SIK3: variants seen among roughly 807,000 people sequenced by gnomAD.
The protein encoded by SIK3 is SIK family kinase 3.
Under a neutral mutation model 144.2 loss-of-function variants are expected in SIK3, and 28 were observed. The observed-to-expected ratio is 0.19, with a 90% CI of 0.14 to 0.27. SIK3 has a LOEUF of 0.27. Ranked by LOEUF, SIK3 falls within the 10% of genes least tolerant of loss-of-function variation. SIK3 has a pLI of 1.00. For synonymous variants in SIK3, 686 were observed against 676.3 expected, an observed-to-expected ratio of 1.01 and a Z score of -0.22; for missense variants, 1,319 against 1,776.0, an observed-to-expected ratio of 0.74 and a Z score of 4.62.
intron 1 of SIK3, among the ~76,000 whole-genome samples, chr11:117,038,818 G>A (rs1197076661): frequency 6.6e-6 from 1 of 152,056 alleles, no homozygotes; most frequent in Non-Finnish European, 1.5e-5. Flanking sequence ...GGGAGGCGGA[G>A]GCGGGCATAT....
rs114181024 is a variant in SIK3 at position 116,917,428 on chromosome 11, G to A, written c.616+9791C>T. 9.2e-3 allele frequency among the ~76,000 whole-genome samples: 1,396 copies of A among 152,240 alleles called. 17 individuals carry two copies. The highest frequency in any genetic ancestry group is 0.029 in the African/African-American group (1,217 of 41,518). ...CTTAAACTAGAAACTACAGGTAAGAGGCTGGGCACAGTAGCTCATGCTTGT... is the reference window on the plus strand; with the variant it reads ...CTTAAACTAGAAACTACAGGTAAGAAGCTGGGCACAGTAGCTCATGCTTGT... On this transcript the variant is annotated intron_variant, in intron 4 of 24. Transcript: ENST00000445177.
intron 1 of SIK3, among the ~76,000 whole-genome samples, chr11:117,078,990 TAA>T (rs35578594): frequency 1.2e-4 from 18 of 146,526 alleles, no homozygotes; most frequent in East Asian, 2.0e-4. Context: ...TATGATATCC[TAA>T]AAAAAAAAAA....
chr11:116,949,958 A>T (rs1160608280), intron 3 of SIK3, among the ~76,000 whole-genome samples: 1 of 152,062 alleles, frequency 6.6e-6, no homozygotes, highest in African/African-American at 2.4e-5. Flanking sequence ...GACAACAGCA[A>T]ACTTCTCTGA....
chr11:116,899,325 A>T (rs1026590770), intron 4 of SIK3, among the ~76,000 whole-genome samples: 3 of 151,718 alleles, frequency 2.0e-5, no homozygotes, highest in South Asian at 4.2e-4. Flanking sequence ...TGTTCCATTG[A>T]TCTATATCTC....
intron 3 of SIK3, among the ~76,000 whole-genome samples, chr11:116,938,866 G>A (rs1591375432): frequency 6.6e-6 from 1 of 152,112 alleles, no homozygotes; most frequent in African/African-American, 2.4e-5. Context: ...AAAGAAGAAT[G>A]ACTTAATGGA....
At chr11:116,894,712 G>A (rs1357549018) in intron 6 of SIK3, among the ~76,000 whole-genome samples, 1 of 152,196 alleles carries the variant, frequency 6.6e-6, no homozygotes, top group Non-Finnish European at 1.5e-5. Flanking sequence ...TTAAAATAAT[G>A]AAGTGAGTTA....
In SIK3 at chr11:117,013,907, G is replaced by GC. The variant is rs1485971413; in HGVS notation, c.274-56844_274-56843insG. On this transcript the variant is annotated intron_variant, in intron 1 of 24. Coordinates refer to ENST00000445177, the MANE Select transcript of SIK3 (RefSeq NM_001366686.3). Reference sequence around the variant, plus strand: ...TAAGTCTCCAGATTCTGAGGGGGGGGGGGGGAGGGTGTGTGTGTGTGTGTG... The same window carrying GC: ...TAAGTCTCCAGATTCTGAGGGGGGGGCGGGGGAGGGTGTGTGTGTGTGTGTG... Among the ~76,000 whole-genome samples, 11 of 44,836 alleles carry GC rather than the reference G, an allele frequency of 2.5e-4. 1 individual carries two copies. Among genetic ancestry groups the GC allele is most frequent in the Admixed American group, 4.9e-4 (2 of 4,086 alleles). 29.4% of individuals were successfully genotyped at this position (44,836 alleles called of 152,430 possible). A position where few individuals can be genotyped will look rare whatever the true frequency, so the allele number is the denominator to read the frequency against.
At chr11:117,019,269 C>G (rs144753139) in intron 1 of SIK3, among the ~76,000 whole-genome samples, 1 of 152,110 alleles carries the variant, frequency 6.6e-6, no homozygotes, top group Non-Finnish European at 1.5e-5. Flanking sequence ...ATCCACCCAC[C>G]TCAGCCTCCC....
intron 1 of SIK3, among the ~76,000 whole-genome samples, chr11:117,046,487 T>G (rs1030197674): frequency 1.3e-5 from 2 of 152,252 alleles, no homozygotes; most frequent in Non-Finnish European, 2.9e-5. Context: ...CAAGTTTTAA[T>G]CACTGCAAAG....
chr11:117,013,933 T>TGC (rs1951397428), intron 1 of SIK3, among the ~76,000 whole-genome samples: 1 of 93,446 alleles, frequency 1.1e-5, no homozygotes, highest in African/African-American at 3.2e-5. Context: ...TGTGTGTGTG[T>TGC]GTGTGTGTGT....
intron 4 of SIK3, among the ~76,000 whole-genome samples, chr11:116,913,435 G>A (rs1253714264): frequency 6.6e-6 from 1 of 152,098 alleles, no homozygotes; most frequent in Non-Finnish European, 1.5e-5. Flanking sequence ...TATTTTAAAT[G>A]AAGTAATAAA....
chr11:116,916,024 C>T (rs547956548), intron 4 of SIK3, among the ~76,000 whole-genome samples: 1 of 152,178 alleles, frequency 6.6e-6, no homozygotes, highest in African/African-American at 2.4e-5. Flanking sequence ...TTAAGAAGGG[C>T]GGAAAGACCT....
intron 4 of SIK3, among the ~76,000 whole-genome samples, chr11:116,905,806 TG>T (rs1945999797): frequency 6.6e-6 from 1 of 152,226 alleles, no homozygotes; most frequent in African/African-American, 2.4e-5. Context: ...AGTTTAAAAT[TG>T]GTTATCTTTT....
chr11:117,013,967 CTTTTCTTT>C (rs1951407433), intron 1 of SIK3, among the ~76,000 whole-genome samples: 1 of 7,374 alleles, frequency 1.4e-4, no homozygotes, highest in Non-Finnish European at 3.3e-4. Context: ...TTCTTTTTTT[CTTTTCTTT>C]TTTTTTTTTT....
chr11:116,855,109 A>AAAAAAC (rs1942796350), intron 21 of SIK3, among the ~76,000 whole-genome samples: 4 of 135,726 alleles, frequency 2.9e-5, no homozygotes, highest in African/African-American at 7.7e-5. Context: ...AAAAAAAAAA[A>AAAAAAC]CTTGAGTTTT....
intron 1 of SIK3, among the ~76,000 whole-genome samples, chr11:116,977,225 TCCC>T (rs1949976244): frequency 1.0e-5 from 1 of 98,576 alleles, no homozygotes; most frequent in Non-Finnish European, 2.0e-5. Context: ...CCTCCCTCCC[TCCC>T]TCCCTCCCTC....
At chr11:117,040,710 G>A (rs1014326429) in intron 1 of SIK3, among the ~76,000 whole-genome samples, 3 of 152,118 alleles carry the variant, frequency 2.0e-5, no homozygotes, top group African/African-American at 7.2e-5. Context: ...TACCATGGAA[G>A]ACTGGTGATG....
At chr11:117,094,429 A>AC (rs11297869) in intron 1 of SIK3, among the ~76,000 whole-genome samples, 4 of 151,590 alleles carry the variant, frequency 2.6e-5, no homozygotes, top group Non-Finnish European at 5.9e-5. Flanking sequence ...ACATAATGAG[A>AC]CCCCCATCTC....
At chr11:116,936,653 A>G (rs1947937007) in intron 3 of SIK3, among the ~76,000 whole-genome samples, 1 of 152,210 alleles carries the variant, frequency 6.6e-6, no homozygotes, top group African/African-American at 2.4e-5. Context: ...ACATTTAAAG[A>G]GTATGCCTCC....
Sources: allele counts gnomAD v4.1 joint callset (sites outside exome capture counted in the v4.1 genomes callset), GRCh38; gene constraint gnomAD v4.1.1; transcripts MANE v1.5; gene names NCBI Gene and HGNC (gene_info 2026-07-23, HGNC 2026-07-21).